Variants in WDR49 observed in about 807,000 individuals in gnomAD.
The protein encoded by WDR49 is WD repeat domain 49, also known as cilia- and flagella-associated protein 337.
Under a neutral mutation model 119.5 loss-of-function variants are expected in WDR49, and 107 were observed. That is an observed-to-expected ratio of 0.90 (90% confidence interval 0.77 to 1.05). The LOEUF is 1.05. Ranked by LOEUF, WDR49 falls within the 50% of genes least tolerant of loss-of-function variation. The probability of loss-of-function intolerance (pLI) is 0.00; values close to 1 mark genes in which losing one functional copy is unlikely to be tolerated. For synonymous variants in WDR49, 425 were observed against 418.8 expected, an observed-to-expected ratio of 1.01 and a Z score of -0.18; for missense variants, 1,240 against 1,220.5, an observed-to-expected ratio of 1.02 and a Z score of -0.24.
intron 10 of WDR49, among the ~76,000 whole-genome samples, chr3:167,551,043 G>A (rs1169675868): frequency 6.6e-6 from 1 of 151,840 alleles, no homozygotes; most frequent in African/African-American, 2.4e-5. Context: ...TTAAAATAAT[G>A]AGAAACACAT....
intron 16 of WDR49, among the ~76,000 whole-genome samples, chr3:167,511,215 T>G (rs973803777): frequency 1.3e-5 from 2 of 152,184 alleles, no homozygotes; most frequent in Admixed American, 6.5e-5. Context: ...ACCCTTTTTT[T>G]ATTAGTTTAA....
chr3:167,604,229 C>T, intron 6 of WDR49, 72 bp downstream of exon 6: 1 of 1,540,580 alleles, frequency 6.5e-7, no homozygotes, highest in Non-Finnish European at 8.8e-7. Flanking sequence ...GTAGCAAAGG[C>T]TCCATGCATA....
chr3:167,530,569 TA>T (rs956090251), intron 13 of WDR49, among the ~76,000 whole-genome samples: 36 of 144,440 alleles, frequency 2.5e-4, no homozygotes, highest in Admixed American at 7.7e-4. Flanking sequence ...AACCAATACT[TA>T]AAAAAAAAAA....
At chr3:167,554,912 G>T in intron 9 of WDR49, 114 bp from the exon 10 acceptor site, 1 of 759,148 alleles carries the variant, frequency 1.3e-6, no homozygotes, top group Non-Finnish European at 2.1e-6. Flanking sequence ...ACTCATCATT[G>T]AATTTTGCCA....
intron 7 of WDR49, among the ~76,000 whole-genome samples, chr3:167,588,750 C>T (rs1714955811): frequency 6.6e-6 from 1 of 152,008 alleles, no homozygotes; most frequent in Non-Finnish European, 1.5e-5. Flanking sequence ...TGAGAAATGT[C>T]TGTTCAGGTA....
intron 5 of WDR49, among the ~76,000 whole-genome samples, chr3:167,610,172 G>A (rs1400676396): frequency 6.6e-6 from 1 of 152,142 alleles, no homozygotes; most frequent in African/African-American, 2.4e-5. Flanking sequence ...AAGTAAAGGG[G>A]ACTTTGTCTT....
At chr3:167,609,420 T>C (rs1716232616) in intron 5 of WDR49, among the ~76,000 whole-genome samples, 1 of 152,066 alleles carries the variant, frequency 6.6e-6, no homozygotes, top group Non-Finnish European at 1.5e-5. Flanking sequence ...TTATGTAGTA[T>C]TGAACTCTGT....
intron 8 of WDR49, among the ~76,000 whole-genome samples, chr3:167,569,923 T>A (rs1713835613): frequency 6.6e-6 from 1 of 152,200 alleles, no homozygotes; most frequent in Admixed American, 6.5e-5. Context: ...TTTCAACATG[T>A]AAACACGTTA....
chr3:167,497,837 G>A (rs1751414439), intron 18 of WDR49, among the ~76,000 whole-genome samples: 1 of 150,150 alleles, frequency 6.7e-6, no homozygotes, highest in African/African-American at 2.5e-5. Flanking sequence ...GTCTGTTTGT[G>A]GCTCACAAAG....
At chr3:167,625,555 T>C (rs1464592211) in intron 3 of WDR49, among the ~76,000 whole-genome samples, 7 of 152,046 alleles carry the variant, frequency 4.6e-5, no homozygotes, top group Admixed American at 3.9e-4. Flanking sequence ...ATTTCTTTCT[T>C]ATAGAGGTAT....
chr3:167,553,565 T>C (rs2108264759), intron 10 of WDR49, among the ~76,000 whole-genome samples: 1 of 152,240 alleles, frequency 6.6e-6, no homozygotes, highest in Non-Finnish European at 1.5e-5. Context: ...TTTTGTTATG[T>C]TTAAAACTTA....
At chr3:167,614,792 A>C (rs938712905) in intron 5 of WDR49, among the ~76,000 whole-genome samples, 1 of 152,174 alleles carries the variant, frequency 6.6e-6, no homozygotes, top group Non-Finnish European at 1.5e-5. Flanking sequence ...TTCTTTCCTC[A>C]ATTGTATATT....
At chr3:167,586,029 AAAG>A in intron 7 of WDR49, among the ~76,000 whole-genome samples, 1 of 152,320 alleles carries the variant, frequency 6.6e-6, no homozygotes, top group East Asian at 1.9e-4. Context: ...GAAAAAAAGA[AAAG>A]AAGATAAATG....
chr3:167,529,340 G>C (rs541031208), intron 13 of WDR49, 101 bp from the exon 14 acceptor site: 28 of 1,070,600 alleles, frequency 2.6e-5, no homozygotes, highest in Non-Finnish European at 2.4e-5. Context: ...ATGTTGAAGA[G>C]GTGAGTAGCC....
intron 18 of WDR49, among the ~76,000 whole-genome samples, chr3:167,492,582 G>A: frequency 6.6e-6 from 1 of 152,044 alleles, no homozygotes; most frequent in South Asian, 2.1e-4. Context: ...CAGGCACTGT[G>A]CTTAGGGCTT....
At chr3:167,572,857 G>A (rs898821706) in intron 8 of WDR49, among the ~76,000 whole-genome samples, 2 of 152,152 alleles carry the variant, frequency 1.3e-5, no homozygotes, top group Non-Finnish European at 2.9e-5. Context: ...TTTACAAGAC[G>A]AAACTGCAAT....
rs188437298 is a variant in WDR49, at chr3:167,519,226, A to C, written c.2774+3089T>G. 1.3e-5 allele frequency among the ~76,000 whole-genome samples: 2 copies of C among 152,284 alleles called. 1 individual carries two copies. Among genetic ancestry groups the C allele is most frequent in the Admixed American group, 1.3e-4 (2 of 15,294 alleles). The stretch of plus-strand genomic sequence containing the variant: ...GTCTAAGATGGTGTGGTGATTCCTC[A>C]AAGACCTAGAACCAGAAATAGTATT... On this transcript the variant is annotated intron_variant, in intron 16 of 18. Transcript: ENST00000682715.
intron 17 of WDR49, 43 bp from the exon 18 acceptor site, chr3:167,500,342 G>A: frequency 1.3e-6 from 2 of 1,592,642 alleles, no homozygotes; most frequent in Non-Finnish European, 1.7e-6. Context: ...GAGAAAAAGG[G>A]TACAATATCA....
chr3:167,549,933 C>T (rs987670589), intron 10 of WDR49, among the ~76,000 whole-genome samples: 2 of 152,148 alleles, frequency 1.3e-5, no homozygotes, highest in African/African-American at 4.8e-5. Context: ...TTTCCCAGCA[C>T]CATTTATTAA....
Sources: gnomAD v4.1 joint callset for allele counts (sites outside exome capture counted in the v4.1 genomes callset) on GRCh38, gnomAD v4.1.1 for gene constraint, MANE v1.5 for transcripts, NCBI Gene and HGNC (gene_info 2026-07-23, HGNC 2026-07-21) for gene names.